GNAS: variants seen among roughly 807,000 people sequenced by gnomAD.
GNAS encodes protein ALEX.
GNAS carries 8 observed loss-of-function variants against 54.5 expected under a neutral mutation model. The ratio of observed to expected loss-of-function variants is 0.15; its 90% confidence interval spans 0.09 to 0.26. GNAS has a LOEUF of 0.26. Among genes scored for constraint, GNAS ranks in the 10% least tolerant of loss-of-function variants. The pLI is 1.00. For missense variants in GNAS, 170 were observed against 529.8 expected (o/e 0.32, Z 6.67); for synonymous variants, 204 against 191.4 (o/e 1.07, Z -0.54).
Position 58,841,472 on chromosome 20 carries a change from G to A in GNAS, c.43+586G>A. ...GCGGCGCCTAAGCAGCTCAGAGCCG[G>A]AGCCCAGGTCCCAGAGCTGACAATT... On this transcript the variant is annotated intron_variant, in intron 1 of 12. Transcript: ENST00000306090. The surrounding 1 kb of genome is among the most constrained non-coding windows in gnomAD (Gnocchi z 5.0). 1 of 992,000 alleles carries A rather than the reference G, an allele frequency of 1.0e-6. No homozygotes were observed. The highest frequency in any genetic ancestry group is 1.7e-5 in the African/African-American group (1 of 57,504). The allele number at this position is 992,000 out of a possible 1,614,324, so 61.4% of individuals were successfully genotyped here.
In GNAS at chr20:58,891,680, C is replaced by G; in HGVS notation, c.-47C>G. The G allele has an allele frequency of 2.1e-6, 2 of 968,466 alleles. No individual in the cohort carries two copies. Among genetic ancestry groups the G allele is most frequent in the Non-Finnish European group, 2.4e-6 (2 of 820,058 alleles). The allele number at this position is 968,466 out of a possible 1,614,324, so 60.0% of individuals were successfully genotyped here. A position where few individuals can be genotyped will look rare whatever the true frequency, so the allele number is the denominator to read the frequency against. ...CCGGCCCGCGTGAGGCCGCCCGCGC[C>G]CGCCGCCGCCGCAGCCCGGCCGCGC... is the stretch of plus-strand genomic sequence containing the variant. On this transcript the variant is annotated 5_prime_UTR_variant, in exon 1 of 13. Transcript: ENST00000371085.
In GNAS at chr20:58,853,776, C is replaced by A. The variant is rs747313993; in HGVS notation, c.43+12890C>A. 1 of 1,612,832 alleles carries A rather than the reference C, an allele frequency of 6.2e-7. No individual in the cohort carries two copies. Among genetic ancestry groups the A allele is most frequent in the South Asian group, 1.1e-5 (1 of 90,922 alleles). ...GCCCTTTGAGTTTGACCAGCCTGCC[C>A]AGAGAGGCTGCAGTCAACTTCTCTT... On this transcript the variant is annotated intron_variant, in intron 1 of 12. Transcript: ENST00000306090. The surrounding 1 kb of genome is among the most constrained non-coding windows in gnomAD (Gnocchi z 4.4).
At chr20:58,868,028 T>C (rs2087167289) in intron 1 of GNAS, among the ~76,000 whole-genome samples, 1 of 151,060 alleles carries the variant, frequency 6.6e-6, no homozygotes, top group African/African-American at 2.4e-5. Context: ...CTTTCTTTTT[T>C]TTTTTTTTTT....
At chr20:58,902,452 T>A (rs1215945519) in intron 3 of GNAS, among the ~76,000 whole-genome samples, 2 of 152,146 alleles carry the variant, frequency 1.3e-5, no homozygotes, top group African/African-American at 4.8e-5. Context: ...GGTGTGTCCT[T>A]TACCTGTGGG....
Position 58,856,535 on chromosome 20 carries a change from GT to G in GNAS, c.43+15653del, listed in dbSNP as rs1183647883. 1 of 152,520 alleles carries G rather than the reference GT, an allele frequency of 6.6e-6. No individual in the cohort carries two copies. Among genetic ancestry groups the G allele is most frequent in the Non-Finnish European group, 1.5e-5 (1 of 68,014 alleles). 9.4% of individuals were successfully genotyped at this position (152,520 alleles called of 1,614,324 possible). On this transcript the variant is annotated intron_variant, in intron 1 of 12. Transcript: ENST00000306090. The surrounding 1 kb of genome is among the most constrained non-coding windows in gnomAD (Gnocchi z 4.2). ...TGTTTGAAATGCAACTAAAATAAAA[GT>G]TTTCAAAAAATGCTCTGAGTGTATT... is the stretch of plus-strand genomic sequence containing the variant.
At chr20:58,898,838 T>C (rs1232274037) in intron 2 of GNAS, 103 bp from the exon 3 acceptor site, 3 of 1,058,010 alleles carry the variant, frequency 2.8e-6, no homozygotes, top group Non-Finnish European at 4.4e-6. Context: ...ATTGTTGCTT[T>C]TGCTCTTGGC....
At chr20:58,879,627 G>A (rs1278075489) in intron 1 of GNAS, among the ~76,000 whole-genome samples, 1 of 152,184 alleles carries the variant, frequency 6.6e-6, no homozygotes, top group Non-Finnish European at 1.5e-5. Flanking sequence ...TCAGAGGGGT[G>A]CGGAAGGAAG....
chr20:58,878,877 T>C (rs1217265249), intron 1 of GNAS, among the ~76,000 whole-genome samples: 4 of 131,530 alleles, frequency 3.0e-5, no homozygotes, highest in African/African-American at 1.2e-4. Context: ...GAAAGAGTTT[T>C]AATGCAGAGG....
At chr20:58,898,720 G>A (rs553240880) in intron 2 of GNAS, 2 of 631,594 alleles carry the variant, frequency 3.2e-6, no homozygotes, top group South Asian at 3.6e-5. Context: ...TAATACTGCA[G>A]CAAAGGTGTG....
upstream of GNAS, chr20:58,891,412 AGCG>A: frequency 3.3e-6 from 1 of 305,634 alleles, no homozygotes; most frequent in Non-Finnish European, 4.6e-6. Context: ...CGGCGGCGGC[AGCG>A]GCGGCAGCAG....
rs1183277396 is a variant in GNAS, at chr20:58,891,618, GCGCCCGGCCCGCC to G, written c.-100_-88del. The G allele has an allele frequency of 5.2e-6, 5 of 967,210 alleles. No homozygotes were observed. Among genetic ancestry groups the G allele is most frequent in the Non-Finnish European group, 6.1e-6 (5 of 821,502 alleles). The allele number at this position is 967,210 out of a possible 1,614,324, so 59.9% of individuals were successfully genotyped here. ...CGCTCCTTGCCGAGGAGCCGAGCCC[GCGCCCGGCCCGCC>G]CGCCCGGCGCTGCCCCGGCCCTCCC... On this transcript the variant is annotated 5_prime_UTR_variant, in exon 1 of 13. Transcript: ENST00000371085.
chr20:58,893,747 T>A (rs1220148937), intron 1 of GNAS, among the ~76,000 whole-genome samples: 1 of 152,264 alleles, frequency 6.6e-6, no homozygotes, highest in African/African-American at 2.4e-5. Flanking sequence ...TAACTTGATT[T>A]CAAAGTATAA....
intron 1 of GNAS, among the ~76,000 whole-genome samples, chr20:58,883,960 G>A (rs939227057): frequency 6.6e-6 from 1 of 152,194 alleles, no homozygotes; most frequent in African/African-American, 2.4e-5. Flanking sequence ...AACACAAAAC[G>A]ATGAAAAGGT....
At position 58,841,035 on chromosome 20, in the gene GNAS, C is replaced by A; in HGVS notation, c.43+149C>A. ...CCTGGGATCGGGGGTCAGGGTGAGGCGGCGAGGGCTCCCCCAAACTTCCCA... is the reference window on the plus strand; with the variant it reads ...CCTGGGATCGGGGGTCAGGGTGAGGAGGCGAGGGCTCCCCCAAACTTCCCA... On this transcript the variant is annotated intron_variant, in intron 1 of 12. Coordinates refer to the GNAS transcript ENST00000306090. This position sits in a 1 kb window ranked among gnomAD's most constrained non-coding sequence, Gnocchi z 5.0. 2 of 932,804 alleles carry A rather than the reference C, an allele frequency of 2.1e-6. No individual in the cohort carries two copies. The highest frequency in any genetic ancestry group is 3.2e-6 in the Non-Finnish European group (2 of 627,844). 57.8% of individuals were successfully genotyped at this position (932,804 alleles called of 1,614,324 possible). A position where few individuals can be genotyped will look rare whatever the true frequency, so the allele number is the denominator to read the frequency against.
chr20:58,882,714 G>A (rs4481060), intron 1 of GNAS, among the ~76,000 whole-genome samples: 93,083 of 152,040 alleles, frequency 0.61, 28,813 homozygotes, highest in East Asian at 0.72. Flanking sequence ...CATGGTGGTG[G>A]GGTGGAGGTG....
At chr20:58,881,268 T>C (rs974921387) in intron 1 of GNAS, among the ~76,000 whole-genome samples, 2 of 152,184 alleles carry the variant, frequency 1.3e-5, no homozygotes, top group African/African-American at 4.8e-5. Flanking sequence ...ATGCCTCCAA[T>C]GGTTATGAGT....
intron 1 of GNAS, among the ~76,000 whole-genome samples, chr20:58,872,535 CT>C (rs947439290): frequency 9.9e-5 from 15 of 152,196 alleles, no homozygotes; most frequent in Admixed American, 4.6e-4. Flanking sequence ...GCATTGTTTT[CT>C]TTTTTTCTTT....
chr20:58,909,097 C>G lies in GNAS; in HGVS notation c.531-65C>G. 4.4e-6 allele frequency: 6 copies of G among 1,371,842 alleles called. No individual in the cohort carries two copies. Among genetic ancestry groups the G allele is most frequent in the East Asian group, 2.3e-5 (1 of 43,782 alleles). 85.0% of individuals were successfully genotyped at this position (1,371,842 alleles called of 1,614,324 possible). A position where few individuals can be genotyped will look rare whatever the true frequency, so the allele number is the denominator to read the frequency against. ...CGTTGAGCCTGACCTTGTAGAGAGA[C>G]ACAAATAGTTGGCAAATTGATGTGA... On this transcript the variant is annotated intron_variant, in intron 6 of 12. Coordinates refer to ENST00000371085, the MANE Select transcript of GNAS (RefSeq NM_000516.7). The surrounding 1 kb of genome is among the most constrained non-coding windows in gnomAD (Gnocchi z 7.3).
At chr20:58,872,457 T>C (rs1276034424) in intron 1 of GNAS, among the ~76,000 whole-genome samples, 4 of 152,226 alleles carry the variant, frequency 2.6e-5, no homozygotes, top group Non-Finnish European at 4.4e-5. Context: ...ATCTTTGATG[T>C]TGGGGAAACC....
Sources: allele counts gnomAD v4.1 joint callset (sites outside exome capture counted in the v4.1 genomes callset), GRCh38; gene constraint gnomAD v4.1.1; non-coding constraint Gnocchi (gnomAD v3.1); transcripts MANE v1.5; gene names NCBI Gene and HGNC (gene_info 2026-07-23, HGNC 2026-07-21).